The following ZDHHC3 variants were observed in gnomAD, a reference collection of about 807,000 sequenced individuals.
ZDHHC3 encodes the protein palmitoyltransferase ZDHHC3.
A neutral mutation model predicts 30.6 loss-of-function variants in ZDHHC3; 9 were observed. The ratio of observed to expected loss-of-function variants is 0.29; its 90% confidence interval spans 0.18 to 0.51. The LOEUF (loss-of-function observed/expected upper bound fraction) is 0.51, where lower values mean the gene tolerates loss of function less well. Ranked by LOEUF, ZDHHC3 falls within the 20% of genes least tolerant of loss-of-function variation. ZDHHC3 has a pLI of 0.97. For missense variants in ZDHHC3, 246 were observed against 384.2 expected, an observed-to-expected ratio of 0.64 and a Z score of 3.01; for synonymous variants, 136 against 140.2, an observed-to-expected ratio of 0.97 and a Z score of 0.21.
intron 2 of ZDHHC3, among the ~76,000 whole-genome samples, chr3:44,946,103 G>T (rs889452421): frequency 8.5e-5 from 13 of 152,164 alleles, no homozygotes; most frequent in Admixed American, 4.6e-4. Context: ...CATTTTAATG[G>T]GTTGTTTGCT....
At chr3:44,969,503 G>C (rs959090195) in intron 1 of ZDHHC3, 1 of 152,134 alleles carries the variant, frequency 6.6e-6, no homozygotes, top group Non-Finnish European at 1.5e-5. Context: ...CTTGCCCCAG[G>C]GCTTGCTTTT....
intron 1 of ZDHHC3, among the ~76,000 whole-genome samples, chr3:44,960,006 G>T (rs557535982): frequency 3.9e-5 from 6 of 152,256 alleles, no homozygotes; most frequent in African/African-American, 1.4e-4. Context: ...CAAGTTATCT[G>T]CCCACCTCGG....
chr3:44,969,113 C>T (rs1275753597), intron 1 of ZDHHC3, among the ~76,000 whole-genome samples: 1 of 152,224 alleles, frequency 6.6e-6, no homozygotes, highest in Non-Finnish European at 1.5e-5. Flanking sequence ...TGAACACTTG[C>T]CGATGACGGT....
At chr3:44,939,078 T>C (rs1046606368) in intron 3 of ZDHHC3, among the ~76,000 whole-genome samples, 1 of 152,190 alleles carries the variant, frequency 6.6e-6, no homozygotes, top group African/African-American at 2.4e-5. Context: ...TTTCCACAAC[T>C]TCAAAGGGCC....
Position 44,958,829 on chromosome 3 carries a change from A to G in ZDHHC3, c.306+302T>C, listed in dbSNP as rs894013357. 7 of 810,458 alleles carry G rather than the reference A, an allele frequency of 8.6e-6. No individual in the cohort carries two copies. The East Asian group carries it at 1.9e-4, about 22-fold the overall frequency. 50.2% of individuals were successfully genotyped at this position (810,458 alleles called of 1,614,324 possible). A position where few individuals can be genotyped will look rare whatever the true frequency, so the allele number is the denominator to read the frequency against. Reference sequence around the variant, plus strand: ...TCTTCAAGGTTATCTGTGTCTTTTTAACCAGAGGCCAGGTTTCCCCCAGAC... The same window carrying G: ...TCTTCAAGGTTATCTGTGTCTTTTTGACCAGAGGCCAGGTTTCCCCCAGAC... On this transcript the variant is annotated intron_variant, in intron 2 of 6. Coordinates refer to ENST00000424952, the MANE Select transcript of ZDHHC3 (RefSeq NM_001135179.2).
chr3:44,936,609 T>C (rs1701981008), intron 3 of ZDHHC3, among the ~76,000 whole-genome samples: 1 of 152,170 alleles, frequency 6.6e-6, no homozygotes, highest in South Asian at 2.1e-4. Context: ...TCAACCTAAA[T>C]GCCCATCAAC....
chr3:44,953,861 G>C (rs1703687524), intron 2 of ZDHHC3, among the ~76,000 whole-genome samples: 1 of 152,216 alleles, frequency 6.6e-6, no homozygotes, highest in Non-Finnish European at 1.5e-5. Flanking sequence ...CTGATGCAGT[G>C]AATGTGCCAA....
chr3:44,933,409 C>G (rs755830808), intron 4 of ZDHHC3: 3 of 603,162 alleles, frequency 5.0e-6, no homozygotes, highest in Admixed American at 5.9e-5. Flanking sequence ...TCCGGGAGTA[C>G]GTGGAACCAG....
chr3:44,943,189 C>T lies in ZDHHC3; in HGVS notation c.431+1979G>A, dbSNP rs1702595430. 3.3e-5 allele frequency among the ~76,000 whole-genome samples: 5 copies of T among 152,304 alleles called. 1 individual carries two copies. In the South Asian group the frequency reaches 8.3e-4, roughly 25 times the overall value. Reference sequence around the variant, plus strand: ...AGACAGAAAAACATACATACAACTACATAAAGTTACATGTGTCATCCCCAA... The same window carrying T: ...AGACAGAAAAACATACATACAACTATATAAAGTTACATGTGTCATCCCCAA... On this transcript the variant is annotated intron_variant, in intron 3 of 6. Coordinates refer to ENST00000424952, the MANE Select transcript of ZDHHC3 (RefSeq NM_001135179.2).
chr3:44,958,804 T>A, intron 2 of ZDHHC3: 1 of 902,710 alleles, frequency 1.1e-6, no homozygotes, highest in Admixed American at 2.5e-5. Flanking sequence ...CTGGCCCCAG[T>A]CTTCAAGGTT....
At position 44,918,067 on chromosome 3, in the gene ZDHHC3, C is replaced by A. The variant is rs963233426; in HGVS notation, c.*8622G>T. ...GAACCAGTTCAGGGAGAAGTCCCCA[C>A]CAAAGGTCTCCTTTACTGACTGCCA... is the stretch of plus-strand genomic sequence containing the variant. On this transcript the variant is annotated 3_prime_UTR_variant, in exon 7 of 7. Coordinates refer to ENST00000424952, the MANE Select transcript of ZDHHC3 (RefSeq NM_001135179.2). 5.4e-6 allele frequency: 7 copies of A among 1,305,316 alleles called. No individual in the cohort carries two copies. In the African/African-American group the frequency reaches 9.1e-5, roughly 17 times the overall value. 80.9% of individuals were successfully genotyped at this position (1,305,316 alleles called of 1,614,324 possible). A position where few individuals can be genotyped will look rare whatever the true frequency, so the allele number is the denominator to read the frequency against.
chr3:44,915,345 A>G lies in ZDHHC3; in HGVS notation c.*11344T>C, dbSNP rs559471552. 3.9e-5 allele frequency: 6 copies of G among 152,328 alleles called. No individual in the cohort carries two copies. Among genetic ancestry groups the G allele is most frequent in the Admixed American group, 1.3e-4 (2 of 15,304 alleles). 9.4% of individuals were successfully genotyped at this position (152,328 alleles called of 1,614,324 possible). ...CCCTGTAAGATCTCATCTGGTTTTG[A>G]CATCAGTTGCAATGCTTTCAGTCTG... On this transcript the variant is annotated 3_prime_UTR_variant, in exon 7 of 7. Transcript: ENST00000424952.
chr3:44,967,761 T>C (rs1575952611), intron 1 of ZDHHC3, among the ~76,000 whole-genome samples: 1 of 152,288 alleles, frequency 6.6e-6, no homozygotes, highest in East Asian at 1.9e-4. Flanking sequence ...GGGAGAAATA[T>C]TAAAGACCAT....
Position 44,929,443 on chromosome 3 carries a change from GA to G in ZDHHC3, c.611-8del. ...GGAGAGAAGGAGCTGCACTCTGAAA[GA>G]GAAGCAGCACACAGGGATTGGTACT... On this transcript the variant is annotated splice_polypyrimidine_tract_variant and splice_region_variant and intron_variant, in intron 5 of 6. Transcript: ENST00000424952. 6.2e-7 allele frequency: 1 copy of G among 1,613,812 alleles called. No individual in the cohort carries two copies. Among genetic ancestry groups the G allele is most frequent in the South Asian group, 1.1e-5 (1 of 90,980 alleles).
In ZDHHC3 at chr3:44,919,014, T is replaced by G; in HGVS notation, c.*7675A>C. The G allele has an allele frequency of 2.0e-6, 2 of 985,480 alleles. No individual in the cohort carries two copies. Among genetic ancestry groups the G allele is most frequent in the Non-Finnish European group, 2.4e-6 (2 of 829,956 alleles). 61.0% of individuals were successfully genotyped at this position (985,480 alleles called of 1,614,324 possible). On this transcript the variant is annotated 3_prime_UTR_variant, in exon 7 of 7. Coordinates refer to ENST00000424952, the MANE Select transcript of ZDHHC3 (RefSeq NM_001135179.2). ...TTTGCTGGGCTTGGGCACTGCTCCT[T>G]CACATGACTCAAGAAAGATCTCTGT...
At chr3:44,950,926 T>C (rs1054608389) in intron 2 of ZDHHC3, among the ~76,000 whole-genome samples, 1 of 152,212 alleles carries the variant, frequency 6.6e-6, no homozygotes, top group Admixed American at 6.5e-5. Context: ...TCCACAGGGA[T>C]GTCTTGAAGC....
At chr3:44,931,075 G>A (rs555504379) in intron 5 of ZDHHC3, among the ~76,000 whole-genome samples, 33 of 152,304 alleles carry the variant, frequency 2.2e-4, no homozygotes, top group Middle Eastern at 6.8e-3. Flanking sequence ...CAAACTCCAG[G>A]AGCGGGGAGA....
At chr3:44,933,261 CGGGACAGGGGCACTCAGAATT>C in intron 4 of ZDHHC3, 62 bp from the exon 5 acceptor site, 2 of 1,523,418 alleles carry the variant, frequency 1.3e-6, no homozygotes, top group Non-Finnish European at 1.8e-6. Context: ...CACGGGCTCC[CGGGACAGGGGCACTCAGAATT>C]TGCCACTCAG....
intron 3 of ZDHHC3, among the ~76,000 whole-genome samples, chr3:44,939,575 C>G (rs969486445): frequency 6.6e-6 from 1 of 152,222 alleles, no homozygotes; most frequent in African/African-American, 2.4e-5. Flanking sequence ...TCTCTTTCAT[C>G]TGCACTTATT....
Sources: allele counts gnomAD v4.1 joint callset (sites outside exome capture counted in the v4.1 genomes callset), GRCh38; gene constraint gnomAD v4.1.1; transcripts MANE v1.5; gene names NCBI Gene and HGNC (gene_info 2026-07-23, HGNC 2026-07-21).